Variants in OR1J2 observed in about 807,000 individuals in gnomAD.
The protein encoded by OR1J2 is olfactory receptor family 1 subfamily J member 2, also known as olfactory receptor 1J2.
For synonymous variants in OR1J2, 142 were observed against 99.7 expected, an observed-to-expected ratio of 1.42 and a Z score of -2.52; for missense variants, 304 against 246.1, an observed-to-expected ratio of 1.24 and a Z score of -1.57.
the OR1J2 span, among the ~76,000 whole-genome samples, chr9:122,559,488 T>C: frequency 2.0e-5 from 3 of 152,122 alleles, no homozygotes; most frequent in African/African-American, 7.2e-5. Context: ...CTCTTAACAC[T>C]GCTTTAGCTG....
the OR1J2 span, among the ~76,000 whole-genome samples, chr9:122,575,003 C>T: frequency 6.6e-6 from 1 of 151,898 alleles, no homozygotes; most frequent in East Asian, 1.9e-4. Flanking sequence ...ATTACAATAA[C>T]TGATTTTGGA....
chr9:122,525,984 C>A, the OR1J2 span, among the ~76,000 whole-genome samples: 2 of 152,160 alleles, frequency 1.3e-5, no homozygotes, highest in Non-Finnish European at 2.9e-5. Flanking sequence ...CTAGCACTTA[C>A]AATAACTTCC....
chr9:122,468,401 C>T, the OR1J2 span, among the ~76,000 whole-genome samples: 3 of 152,178 alleles, frequency 2.0e-5, no homozygotes, highest in Non-Finnish European at 4.4e-5. Context: ...TCTGGCCCAA[C>T]TCCTATGTGC....
chr9:122,461,340 C>G, the OR1J2 span, among the ~76,000 whole-genome samples: 4 of 151,568 alleles, frequency 2.6e-5, no homozygotes, highest in African/African-American at 9.7e-5. Context: ...AGATTTTTGT[C>G]AAATGCTTTT....
the OR1J2 span, among the ~76,000 whole-genome samples, chr9:122,541,184 TC>T: frequency 6.6e-6 from 1 of 152,182 alleles, no homozygotes; most frequent in African/African-American, 2.4e-5. Context: ...AATAAAGTCT[TC>T]CTTGCCTGTT....
the OR1J2 span, among the ~76,000 whole-genome samples, chr9:122,465,287 A>G: frequency 1.3e-5 from 2 of 152,202 alleles, no homozygotes; most frequent in Admixed American, 6.5e-5. Flanking sequence ...ATCCGGTGCC[A>G]GGCACACTGT....
the OR1J2 span, chr9:122,527,324 C>T: frequency 2.9e-6 from 4 of 1,392,786 alleles, 1 homozygote; most frequent in South Asian, 5.3e-5. Flanking sequence ...TGAGGGAAGA[C>T]AGTTAGAATG....
the OR1J2 span, among the ~76,000 whole-genome samples, chr9:122,561,640 A>G: frequency 3.9e-5 from 6 of 151,996 alleles, no homozygotes; most frequent in African/African-American, 1.5e-4. Context: ...GGCCTTATTC[A>G]TCTGGTTCAC....
At chr9:122,519,706 G>A in the OR1J2 span, 1 of 1,614,018 alleles carries the variant, frequency 6.2e-7, no homozygotes, top group East Asian at 2.2e-5. Context: ...AAGCTCTCAT[G>A]CTCAGACATC....
At chr9:122,473,164 C>T in the OR1J2 span, among the ~76,000 whole-genome samples, 1 of 152,160 alleles carries the variant, frequency 6.6e-6, no homozygotes, top group Admixed American at 6.5e-5. Context: ...CATAAAAAAT[C>T]CTGACCTGTT....
the OR1J2 span, among the ~76,000 whole-genome samples, chr9:122,469,241 T>A: frequency 6.6e-6 from 1 of 152,210 alleles, no homozygotes; most frequent in Non-Finnish European, 1.5e-5. Context: ...TGAATTGTAG[T>A]TCCATAATTC....
chr9:122,481,389 C>T, the OR1J2 span, among the ~76,000 whole-genome samples: 1 of 151,786 alleles, frequency 6.6e-6, no homozygotes, highest in Non-Finnish European at 1.5e-5. Context: ...CGACAGCAAC[C>T]ACCAACACCA....
At chr9:122,512,564 A>G (rs906484907), downstream of OR1J2, among the ~76,000 whole-genome samples, 2 of 152,180 alleles carry the variant, frequency 1.3e-5, no homozygotes, top group Non-Finnish European at 2.9e-5. Context: ...ACCTTAAGTT[A>G]TTTCAGTAAT....
the OR1J2 span, among the ~76,000 whole-genome samples, chr9:122,480,472 A>G: frequency 1.3e-5 from 2 of 152,016 alleles, no homozygotes; most frequent in East Asian, 3.9e-4. Flanking sequence ...TTTATGTTCA[A>G]GGGTATAAGT....
At chr9:122,501,461 GA>G in the OR1J2 span, among the ~76,000 whole-genome samples, 2 of 152,118 alleles carry the variant, frequency 1.3e-5, no homozygotes, top group Non-Finnish European at 2.9e-5. Flanking sequence ...ACAAGTTTCC[GA>G]AGCCTCAGGG....
the OR1J2 span, among the ~76,000 whole-genome samples, chr9:122,494,366 C>T: frequency 2.0e-5 from 3 of 152,008 alleles, no homozygotes; most frequent in South Asian, 2.1e-4. Context: ...GGAGCTCCAG[C>T]GTTAGGTACA....
At chr9:122,533,051 G>A in the OR1J2 span, among the ~76,000 whole-genome samples, 256 of 152,172 alleles carry the variant, frequency 1.7e-3, 1 homozygote, top group African/African-American at 5.8e-3. Context: ...TGGGTGTCAG[G>A]GTCAGTCCAA....
chr9:122,528,826 C>T, the OR1J2 span, among the ~76,000 whole-genome samples: 4 of 152,204 alleles, frequency 2.6e-5, no homozygotes, highest in African/African-American at 9.7e-5. Context: ...AAAAAGTTTA[C>T]ACTATGTCTT....
At chr9:122,513,715 C>T (rs1828667004), downstream of OR1J2, among the ~76,000 whole-genome samples, 1 of 152,020 alleles carries the variant, frequency 6.6e-6, no homozygotes, top group Admixed American at 6.6e-5. Context: ...CCGACAGGCC[C>T]TGGTGTGTGA....
Sources: gnomAD v4.1 joint callset for allele counts (sites outside exome capture counted in the v4.1 genomes callset) on GRCh38, gnomAD v4.1.1 for gene constraint, MANE v1.5 for transcripts, NCBI Gene and HGNC (gene_info 2026-07-23, HGNC 2026-07-21) for gene names.